PCDH15: variants seen among roughly 807,000 people sequenced by gnomAD.
PCDH15 encodes protocadherin related 15, also known as protocadherin-15.
A neutral mutation model predicts 178.5 loss-of-function variants in PCDH15; 129 were observed. That is an observed-to-expected ratio of 0.72 (90% CI 0.63 to 0.84). The LOEUF is 0.84. Ranked by LOEUF, PCDH15 falls within the 40% of genes least tolerant of loss-of-function variation. The probability of loss-of-function intolerance (pLI) is 0.00; values close to 1 mark genes in which losing one functional copy is unlikely to be tolerated. For synonymous variants in PCDH15, 800 were observed against 732.0 expected, an observed-to-expected ratio of 1.09 and a Z score of -1.50; for missense variants, 2,230 against 2,099.9, an observed-to-expected ratio of 1.06 and a Z score of -1.21.
In PCDH15 at chr10:55,009,321, T is replaced by A. The variant is rs536316671; in HGVS notation, c.-79-111821A>T. 1.1e-4 allele frequency among the ~76,000 whole-genome samples: 16 copies of A among 152,058 alleles called. No homozygotes were observed. In the South Asian group the frequency reaches 3.3e-3, roughly 32 times the overall value. On this transcript the variant is annotated intron_variant, in intron 2 of 5. Transcript: ENST00000458638. ...TGGCAATGGAAATTTGTAATTAGGA[T>A]ACAGTAATGAAAAGTTCGAAGGTTA...
chr10:53,987,130 A>G (rs2091159937), intron 21 of PCDH15, among the ~76,000 whole-genome samples: 1 of 152,184 alleles, frequency 6.6e-6, no homozygotes, highest in Admixed American at 6.5e-5. Context: ...ACTTTAATAT[A>G]AAAATGGAGA....
At chr10:53,957,503 G>GTTTTT (rs55738634) in intron 23 of PCDH15, among the ~76,000 whole-genome samples, 21,315 of 140,428 alleles carry the variant, frequency 0.15, 2,187 homozygotes, top group African/African-American at 0.27. Flanking sequence ...TATTTACTAT[G>GTTTTT]TTTTTTTTTT....
At chr10:55,315,074 C>T (rs1428942833) in intron 1 of PCDH15, among the ~76,000 whole-genome samples, 2 of 151,966 alleles carry the variant, frequency 1.3e-5, no homozygotes, top group East Asian at 3.9e-4. Context: ...AGAAAGAAAT[C>T]TATATAGTTT....
At chr10:53,941,373 T>C (rs2086051164) in intron 23 of PCDH15, among the ~76,000 whole-genome samples, 1 of 151,964 alleles carries the variant, frequency 6.6e-6, no homozygotes, top group Non-Finnish European at 1.5e-5. Context: ...CTTTGTAGTG[T>C]CTCTATGGTT....
At chr10:55,482,077 A>T (rs1457081575) in intron 2 of PCDH15, among the ~76,000 whole-genome samples, 2 of 151,808 alleles carry the variant, frequency 1.3e-5, no homozygotes, top group Non-Finnish European at 2.9e-5. Context: ...CTTTACCATT[A>T]TGTAGGCCTT....
rs557213544 is a variant in PCDH15 at position 54,230,303 on chromosome 10, A to G, written c.985+6520T>C. The stretch of plus-strand genomic sequence containing the variant: ...TTGAAAAAACCACATGTGCTCAGCT[A>G]TAAGTGTTCAGTTATAAGAACCCAG... On this transcript the variant is annotated intron_variant, in intron 9 of 37. Transcript: ENST00000644397. Among the ~76,000 whole-genome samples, 61 of 152,306 alleles carry G rather than the reference A, an allele frequency of 4.0e-4. 2 individuals carry two copies. In the South Asian group the frequency reaches 0.012, roughly 30 times the overall value.
rs549909794 is a variant in PCDH15, at chr10:54,314,872, A to AT, written c.876+2398dup. On this transcript the variant is annotated intron_variant, in intron 8 of 37. Coordinates refer to ENST00000644397, the MANE Select transcript of PCDH15 (RefSeq NM_001384140.1). ...TTCCCGCAAAAGACAAGACCTCATT[A>AT]TTTTTTATAGCTGTATAGTATTCCA... Among the ~76,000 whole-genome samples, 595 of 152,144 alleles carry AT rather than the reference A, an allele frequency of 3.9e-3. 2 individuals carry two copies. Among genetic ancestry groups the AT allele is most frequent in the Non-Finnish European group, 5.0e-3 (342 of 67,970 alleles).
At chr10:54,830,077 T>C (rs1220713581) in intron 3 of PCDH15, among the ~76,000 whole-genome samples, 1 of 152,022 alleles carries the variant, frequency 6.6e-6, no homozygotes, top group Non-Finnish European at 1.5e-5. Context: ...CATCAAAGTC[T>C]ATTTTGCTTC....
intron 1 of PCDH15, among the ~76,000 whole-genome samples, chr10:55,235,456 A>G (rs1841350971): frequency 6.6e-6 from 1 of 152,150 alleles, no homozygotes; most frequent in South Asian, 2.1e-4. Context: ...CTTTTCTTAA[A>G]GTCCATACAT....
chr10:55,070,861 C>T (rs1222550485), intron 2 of PCDH15, among the ~76,000 whole-genome samples: 1 of 151,844 alleles, frequency 6.6e-6, no homozygotes, highest in Non-Finnish European at 1.5e-5. Flanking sequence ...TATAAATTAC[C>T]TTGGGCAGTA....
intron 2 of PCDH15, among the ~76,000 whole-genome samples, chr10:55,373,443 A>G (rs375635020): frequency 1.1e-3 from 164 of 152,250 alleles, no homozygotes; most frequent in African/African-American, 3.8e-3. Flanking sequence ...TATAATCTCA[A>G]AATGGCAGCA....
intron 2 of PCDH15, among the ~76,000 whole-genome samples, chr10:55,474,259 G>C (rs2132110457): frequency 6.6e-6 from 1 of 152,330 alleles, no homozygotes. Flanking sequence ...CAGGAGGTCA[G>C]AGATCTTACT....
At chr10:54,527,905 T>A in intron 2 of PCDH15, 28 bp from the exon 3 acceptor site, 1 of 1,565,462 alleles carries the variant, frequency 6.4e-7, no homozygotes, top group Non-Finnish European at 8.8e-7. Flanking sequence ...CCAAAAGTAA[T>A]AATTGACTGC....
At chr10:55,277,334 T>C (rs890087331) in intron 1 of PCDH15, among the ~76,000 whole-genome samples, 4 of 152,150 alleles carry the variant, frequency 2.6e-5, no homozygotes, top group Non-Finnish European at 5.9e-5. Flanking sequence ...TTTAAAAGTA[T>C]ACTCCCTTAA....
intron 1 of PCDH15, among the ~76,000 whole-genome samples, chr10:55,241,221 C>T (rs967267503): frequency 6.6e-6 from 1 of 151,938 alleles, no homozygotes; most frequent in Non-Finnish European, 1.5e-5. Flanking sequence ...ATGTCAAAAA[C>T]AAACAAACAA....
chr10:53,931,654 A>T (rs1013098951), intron 25 of PCDH15, among the ~76,000 whole-genome samples: 1 of 152,310 alleles, frequency 6.6e-6, no homozygotes, highest in South Asian at 2.1e-4. Context: ...AATCCTGCTA[A>T]TATGGGCTAA....
intron 2 of PCDH15, among the ~76,000 whole-genome samples, chr10:54,941,964 C>A (rs2131864503): frequency 6.6e-6 from 1 of 152,150 alleles, no homozygotes; most frequent in South Asian, 2.1e-4. Context: ...ATCTGACACT[C>A]CAAGTATCAC....
intron 2 of PCDH15, among the ~76,000 whole-genome samples, chr10:55,510,245 AC>A (rs1444127397): frequency 2.0e-5 from 3 of 152,116 alleles, no homozygotes; most frequent in African/African-American, 7.2e-5. Flanking sequence ...TGGGAAAAAG[AC>A]AAATTTTTTC....
intron 1 of PCDH15, among the ~76,000 whole-genome samples, chr10:54,688,787 T>C (rs1161614883): frequency 6.6e-6 from 1 of 152,098 alleles, no homozygotes; most frequent in Non-Finnish European, 1.5e-5. Context: ...GCAATTACTT[T>C]TTCAATAAGT....
Sources: allele counts gnomAD v4.1 joint callset (sites outside exome capture counted in the v4.1 genomes callset), GRCh38; gene constraint gnomAD v4.1.1; transcripts MANE v1.5; gene names NCBI Gene and HGNC (gene_info 2026-07-23, HGNC 2026-07-21).